The following CACHD1 variants were observed in gnomAD, a reference collection of about 807,000 sequenced individuals.
CACHD1 encodes the protein cache domain containing 1, also known as VWFA and cache domain-containing protein 1.
CACHD1 carries 71 observed loss-of-function variants against 138.7 expected under a neutral mutation model. That is an observed-to-expected ratio of 0.51 (90% CI 0.42 to 0.62). The LOEUF (loss-of-function observed/expected upper bound fraction) is 0.62. Ranked by LOEUF, CACHD1 falls within the 20% of genes least tolerant of loss-of-function variation. CACHD1 has a pLI of 0.00. For missense variants in CACHD1, 1,389 were observed against 1,625.3 expected (o/e 0.85, Z 2.50); for synonymous variants, 578 against 591.5 (o/e 0.98, Z 0.33).
At chr1:64,676,088 G>A (rs1032034106) in intron 21 of CACHD1, 105 bp downstream of exon 21, 23 of 387,946 alleles carry the variant, frequency 5.9e-5, no homozygotes, top group Middle Eastern at 9.3e-4. Context: ...GAGTTAGGGC[G>A]TATAAAGATG....
intron 4 of CACHD1, among the ~76,000 whole-genome samples, chr1:64,627,113 A>G (rs1185000816): frequency 6.6e-6 from 1 of 152,182 alleles, no homozygotes; most frequent in Non-Finnish European, 1.5e-5. Flanking sequence ...TCTGTCTCAG[A>G]TAAAATCTCA....
chr1:64,653,727 T>C (rs1326334779), intron 10 of CACHD1, 31 bp from the exon 11 acceptor site: 1 of 1,601,986 alleles, frequency 6.2e-7, no homozygotes, highest in Admixed American at 1.7e-5. Context: ...ACATGTTTCT[T>C]ATTAACATGC....
intron 1 of CACHD1, among the ~76,000 whole-genome samples, chr1:64,495,650 C>A: frequency 6.6e-6 from 1 of 151,386 alleles, no homozygotes. Flanking sequence ...AGAAAGAGAG[C>A]AATACAGTGC....
intron 8 of CACHD1, among the ~76,000 whole-genome samples, chr1:64,643,286 T>A (rs1336726433): frequency 6.6e-6 from 1 of 152,130 alleles, no homozygotes; most frequent in Non-Finnish European, 1.5e-5. Context: ...AGGAATCTAC[T>A]TTTTGGCCAG....
rs950911913 is a variant in CACHD1 at position 64,691,861 on chromosome 1, C to G, written c.*300C>G. ...CGAACCTCCAAACACAGAGACGGAA[C>G]CTGCAAGTGAAGCTGAGCCAGAGGA... On this transcript the variant is annotated 3_prime_UTR_variant, in exon 27 of 27. Transcript: ENST00000651257. 8.2e-6 allele frequency: 3 copies of G among 364,662 alleles called. No homozygotes were observed. Among genetic ancestry groups the G allele is most frequent in the African/African-American group, 2.0e-5 (1 of 49,334 alleles). 22.6% of individuals were successfully genotyped at this position (364,662 alleles called of 1,614,324 possible). A position where few individuals can be genotyped will look rare whatever the true frequency, so the allele number is the denominator to read the frequency against.
chr1:64,620,942 TA>T (rs1647892772), intron 4 of CACHD1, among the ~76,000 whole-genome samples: 1 of 152,132 alleles, frequency 6.6e-6, no homozygotes, highest in African/African-American at 2.4e-5. Flanking sequence ...TACAGCCAAC[TA>T]AAAAGATTCC....
chr1:64,663,778 G>C lies in CACHD1; in HGVS notation c.2035G>C (p.Glu679Gln), dbSNP rs754880567. The change falls in exon 14 of 27, where the codon GAG becomes CAG. Residue 679 changes from glutamate to glutamine, a missense_variant. This residue lies in a region of CACHD1 where 1,000 missense variants were observed against 1,114.7 expected (regional missense o/e 0.90). Transcript: ENST00000651257. ...CCAGCCAGAGACAAAGCGCATGGTA[G>C]AGCACTACACCGCCTATCTCAGCGA... The part of the protein sequence containing the change: ...LSQPETKRMV[E>Q]HYTAYLSDNT... 3 of 1,614,008 alleles carry C rather than the reference G, an allele frequency of 1.9e-6. No homozygotes were observed. The highest frequency in any genetic ancestry group is 2.7e-5 in the African/African-American group (2 of 74,904).
intron 1 of CACHD1, among the ~76,000 whole-genome samples, chr1:64,532,775 A>G (rs995935588): frequency 6.6e-6 from 1 of 152,178 alleles, no homozygotes; most frequent in Non-Finnish European, 1.5e-5. Flanking sequence ...TTGGAGTCAG[A>G]CATATCTGAG....
At chr1:64,674,800 A>T (rs1004363746) in intron 19 of CACHD1, among the ~76,000 whole-genome samples, 1 of 152,232 alleles carries the variant, frequency 6.6e-6, no homozygotes, top group African/African-American at 2.4e-5. Context: ...TGATTTTCTA[A>T]TATGATAAAC....
At chr1:64,524,588 A>G (rs1646522411) in intron 1 of CACHD1, among the ~76,000 whole-genome samples, 2 of 152,242 alleles carry the variant, frequency 1.3e-5, no homozygotes, top group East Asian at 1.9e-4. Context: ...ATATTTGCCT[A>G]TCTACCTCAC....
chr1:64,596,071 C>A (rs1197221916), intron 3 of CACHD1, among the ~76,000 whole-genome samples: 1 of 152,124 alleles, frequency 6.6e-6, no homozygotes, highest in African/African-American at 2.4e-5. Flanking sequence ...TTTTGGTTGG[C>A]CCATCTATTT....
chr1:64,620,432 C>A (rs1029169856), intron 4 of CACHD1, among the ~76,000 whole-genome samples: 2 of 152,092 alleles, frequency 1.3e-5, no homozygotes, highest in Non-Finnish European at 2.9e-5. Context: ...GACCTCATCC[C>A]CTCCTAAGGG....
rs1321013049 is a variant in CACHD1 at position 64,673,464 on chromosome 1, G to A, written c.2727G>A (p.Ala909=). 8 of 1,606,092 alleles carry A rather than the reference G, an allele frequency of 5.0e-6. No individual in the cohort carries two copies. The highest frequency in any genetic ancestry group is 1.7e-5 in the Admixed American group (1 of 59,972). The change falls in exon 19 of 27, where the codon GCG becomes GCA. Residue 909 remains alanine (A), a splice_region_variant and synonymous_variant. Coordinates refer to ENST00000651257, the MANE Select transcript of CACHD1 (RefSeq NM_020925.4). Reference sequence around the variant, plus strand: ...TTTATAAATTCAACACCAGCCTTGCGGTAAGTTGATCTGATTCCTTAACAC... The same window carrying A: ...TTTATAAATTCAACACCAGCCTTGCAGTAAGTTGATCTGATTCCTTAACAC... ...QRFYKFNTSL[A]GDLTNLVHGS... is the part of the protein sequence containing the mutation.
intron 1 of CACHD1, among the ~76,000 whole-genome samples, chr1:64,505,600 T>C (rs1557465610): frequency 2.4e-5 from 1 of 41,212 alleles, no homozygotes; most frequent in Non-Finnish European, 4.5e-5. Flanking sequence ...TCCCCCTCCC[T>C]GGGCACACCC....
At chr1:64,530,947 T>TTTG (rs1646580288) in intron 1 of CACHD1, among the ~76,000 whole-genome samples, 1 of 149,196 alleles carries the variant, frequency 6.7e-6, no homozygotes, top group Admixed American at 6.7e-5. Flanking sequence ...TTTTTTTTTT[T>TTTG]AGAAGGAAGA....
chr1:64,557,890 C>T (rs1055688075), intron 2 of CACHD1, among the ~76,000 whole-genome samples: 7 of 152,132 alleles, frequency 4.6e-5, no homozygotes, highest in African/African-American at 2.4e-5. Context: ...CCTCCGCTTC[C>T]TGGGTTCAAG....
intron 26 of CACHD1, among the ~76,000 whole-genome samples, chr1:64,685,676 C>T (rs1056809275): frequency 2.6e-5 from 4 of 151,474 alleles, no homozygotes; most frequent in African/African-American, 9.7e-5. Flanking sequence ...CCTGTCTCTA[C>T]AAAATAAAAA....
At chr1:64,519,323 C>T (rs577115799) in intron 1 of CACHD1, among the ~76,000 whole-genome samples, 1 of 152,100 alleles carries the variant, frequency 6.6e-6, no homozygotes, top group African/African-American at 2.4e-5. Flanking sequence ...TGGAGCCTTT[C>T]GATTGAGGCA....
chr1:64,532,287 A>G (rs1391092455), intron 1 of CACHD1, among the ~76,000 whole-genome samples: 1 of 152,146 alleles, frequency 6.6e-6, no homozygotes, highest in Non-Finnish European at 1.5e-5. Context: ...AATTAATTGA[A>G]TGCCTACTAT....
Sources: allele counts gnomAD v4.1 joint callset (sites outside exome capture counted in the v4.1 genomes callset), GRCh38; gene constraint gnomAD v4.1.1; regional missense constraint gnomAD v4.1.1; transcripts MANE v1.5; gene names NCBI Gene and HGNC (gene_info 2026-07-23, HGNC 2026-07-21).